The following PRR11 variants were observed in gnomAD, a reference collection of about 807,000 sequenced individuals.
PRR11 encodes the protein proline rich 11, also known as proline-rich protein 11.
PRR11 carries 30 observed loss-of-function variants against 45.6 expected under a neutral mutation model. The observed-to-expected ratio is 0.66, with a 90% confidence interval of 0.49 to 0.89. The LOEUF (loss-of-function observed/expected upper bound fraction) is 0.89, where lower values mean the gene tolerates loss of function less well. Ranked by LOEUF, PRR11 falls within the 40% of genes least tolerant of loss-of-function variation. The probability of loss-of-function intolerance (pLI) is 0.00; values close to 1 mark genes in which losing one functional copy is unlikely to be tolerated. For synonymous variants in PRR11, 128 were observed against 153.5 expected, an observed-to-expected ratio of 0.83 and a Z score of 1.23; for missense variants, 373 against 424.8, an observed-to-expected ratio of 0.88 and a Z score of 1.07.
intron 1 of PRR11, among the ~76,000 whole-genome samples, chr17:59,169,460 G>A (rs1429682491): frequency 6.6e-6 from 1 of 152,030 alleles, no homozygotes; most frequent in Non-Finnish European, 1.5e-5. Context: ...TATAAAGAAA[G>A]GAAAATTCAT....
At chr17:59,180,496 G>GTTTTTTTTTTTT (rs746347460) in intron 2 of PRR11, among the ~76,000 whole-genome samples, 5 of 101,352 alleles carry the variant, frequency 4.9e-5, no homozygotes, top group African/African-American at 2.1e-4. Flanking sequence ...GCCCGTCCTT[G>GTTTTTTTTTTTT]TTTTTTTTTT....
rs1002873438 is a variant in PRR11, at chr17:59,197,528, A to G, written c.858-16A>G. 4 of 1,611,370 alleles carry G rather than the reference A, an allele frequency of 2.5e-6. No homozygotes were observed. The highest frequency in any genetic ancestry group is 3.4e-6 in the Non-Finnish European group (4 of 1,177,940). ...AGCCTCCCAAAGTTCTAATTTTTAT[A>G]TCTTTGTTTTATCAGCACTCCTGGA... On this transcript the variant is annotated splice_polypyrimidine_tract_variant and intron_variant, in intron 7 of 9. Transcript: ENST00000262293.
chr17:59,180,510 G>GTTT (rs1555716481), intron 2 of PRR11, among the ~76,000 whole-genome samples: 2 of 108,634 alleles, frequency 1.8e-5, no homozygotes, highest in Non-Finnish European at 3.6e-5. Context: ...TTTTTTTTTT[G>GTTT]TTTTTTTTGT....
chr17:59,193,073 G>C (rs2046846854), intron 4 of PRR11, among the ~76,000 whole-genome samples: 1 of 152,136 alleles, frequency 6.6e-6, no homozygotes, highest in Non-Finnish European at 1.5e-5. Context: ...TTTGTTTCAA[G>C]TGTGTTTGTG....
intron 2 of PRR11, among the ~76,000 whole-genome samples, chr17:59,175,513 G>A (rs566142452): frequency 1.3e-5 from 2 of 152,290 alleles, no homozygotes; most frequent in Admixed American, 1.3e-4. Flanking sequence ...TGTAATCCCA[G>A]CAATTTGGGA....
intron 1 of PRR11, among the ~76,000 whole-genome samples, chr17:59,162,114 A>G (rs2046655440): frequency 6.6e-6 from 1 of 152,004 alleles, no homozygotes; most frequent in Non-Finnish European, 1.5e-5. Flanking sequence ...GCATCTTTCT[A>G]CCCTGACAGA....
At chr17:59,178,461 G>A in intron 2 of PRR11, 1 of 514,144 alleles carries the variant, frequency 1.9e-6, no homozygotes, top group East Asian at 5.4e-5. Flanking sequence ...GTTCCGTGGA[G>A]AACAAACTTA....
chr17:59,181,563 C>G (rs544723481), intron 2 of PRR11: 2 of 1,263,160 alleles, frequency 1.6e-6, no homozygotes, highest in Admixed American at 3.5e-5. Context: ...ATGACACTAG[C>G]CGTTGCTTCA....
intron 9 of PRR11, among the ~76,000 whole-genome samples, chr17:59,198,586 A>ATCAC (rs2046877822): frequency 6.6e-6 from 1 of 152,122 alleles, no homozygotes; most frequent in Non-Finnish European, 1.5e-5. Flanking sequence ...AGGCAGGAGA[A>ATCAC]TCACTTGAAC....
At chr17:59,171,592 C>G (rs1195661150) in intron 2 of PRR11, among the ~76,000 whole-genome samples, 1 of 151,760 alleles carries the variant, frequency 6.6e-6, no homozygotes, top group South Asian at 2.1e-4. Context: ...GAACAGTATC[C>G]AAAAATACCA....
At chr17:59,169,641 A>C in intron 1 of PRR11, 107 bp from the exon 2 acceptor site, 4 of 1,062,934 alleles carry the variant, frequency 3.8e-6, no homozygotes, top group Non-Finnish European at 5.2e-6. Flanking sequence ...TGGTGGTTTC[A>C]AGGGTGTGTT....
intron 1 of PRR11, among the ~76,000 whole-genome samples, chr17:59,156,848 C>G (rs2046627314): frequency 6.6e-6 from 1 of 152,002 alleles, no homozygotes; most frequent in South Asian, 2.1e-4. Context: ...AGGATGGTCT[C>G]GATTTCCTGA....
intron 2 of PRR11, among the ~76,000 whole-genome samples, chr17:59,176,382 A>AG (rs1163520156): frequency 6.6e-6 from 1 of 152,178 alleles, no homozygotes; most frequent in African/African-American, 2.4e-5. Context: ...AGGCTGCACT[A>AG]GGAAGCCCCC....
chr17:59,178,363 G>A (rs2046760767), intron 2 of PRR11: 4 of 431,632 alleles, frequency 9.3e-6, no homozygotes, highest in Non-Finnish European at 1.8e-5. Flanking sequence ...GGGAGCATCT[G>A]GTGGGAAGTG....
intron 2 of PRR11, among the ~76,000 whole-genome samples, chr17:59,178,899 T>C (rs1480660896): frequency 2.0e-5 from 3 of 152,206 alleles, no homozygotes; most frequent in African/African-American, 7.2e-5. Flanking sequence ...TCCCCCTCTA[T>C]GGATGGAGAC....
At chr17:59,179,547 C>T (rs570575796) in intron 2 of PRR11, 2 of 1,395,364 alleles carry the variant, frequency 1.4e-6, no homozygotes, top group African/African-American at 2.9e-5. Context: ...GAGAGCTCAC[C>T]CACTGGGGGC....
At chr17:59,191,461 C>T (rs948491189) in intron 4 of PRR11, among the ~76,000 whole-genome samples, 5 of 152,036 alleles carry the variant, frequency 3.3e-5, no homozygotes, top group Admixed American at 1.3e-4. Flanking sequence ...TCAGGTAATC[C>T]ACCTGCCTCA....
Position 59,201,632 on chromosome 17 carries a change from T to A in PRR11, c.*1T>A. The A allele has an allele frequency of 6.2e-7, 1 of 1,613,278 alleles. No individual in the cohort carries two copies. The highest frequency in any genetic ancestry group is 8.5e-7 in the Non-Finnish European group (1 of 1,179,628). ...AAGCAGCTTTGATGAACAAAACTGA[T>A]GCCAACTCTGCCTCACTCCATGAGA... is the stretch of plus-strand genomic sequence containing the variant. On this transcript the variant is annotated 3_prime_UTR_variant, in exon 10 of 10. Transcript: ENST00000262293.
chr17:59,192,200 T>G (rs1192291165), intron 4 of PRR11, among the ~76,000 whole-genome samples: 1 of 149,490 alleles, frequency 6.7e-6, no homozygotes, highest in Non-Finnish European at 1.5e-5. Context: ...ACCACAGAGA[T>G]AGAGATTGGA....
Sources: allele counts gnomAD v4.1 joint callset (sites outside exome capture counted in the v4.1 genomes callset), GRCh38; gene constraint gnomAD v4.1.1; transcripts MANE v1.5; gene names NCBI Gene and HGNC (gene_info 2026-07-23, HGNC 2026-07-21).